Variants in CDH13 observed in about 807,000 individuals in gnomAD.
CDH13 encodes cadherin-13.
CDH13 carries 24 observed loss-of-function variants against 63.8 expected under a neutral mutation model. The observed-to-expected ratio is 0.38, with a 90% CI of 0.27 to 0.53. The LOEUF (loss-of-function observed/expected upper bound fraction) is 0.53, where lower values mean the gene tolerates loss of function less well. Ranked by LOEUF, CDH13 falls within the 20% of genes least tolerant of loss-of-function variation. CDH13 has a pLI of 0.85. For missense variants in CDH13, 1,049 were observed against 903.1 expected (o/e 1.16, Z -2.07); for synonymous variants, 503 against 355.3 (o/e 1.42, Z -4.67).
rs544668375 is a variant in CDH13 at position 82,644,466 on chromosome 16, T to G, written c.45+17329T>G. On this transcript the variant is annotated intron_variant, in intron 1 of 13. Coordinates refer to ENST00000567109, the MANE Select transcript of CDH13 (RefSeq NM_001257.5). The surrounding 1 kb of genome is among the most constrained non-coding windows in gnomAD (Gnocchi z 5.7). ...TGATGATTTCTATCCTTTGTCATGTTGAAAATGCTGAGTGACAAAGCCATT... is the reference window on the plus strand; with the variant it reads ...TGATGATTTCTATCCTTTGTCATGTGGAAAATGCTGAGTGACAAAGCCATT... 4.6e-5 allele frequency among the ~76,000 whole-genome samples: 7 copies of G among 152,246 alleles called. No homozygotes were observed. The East Asian group carries it at 1.2e-3, about 25-fold the overall frequency.
intron 5 of CDH13, among the ~76,000 whole-genome samples, chr16:83,219,908 G>A (rs545633832): frequency 6.6e-6 from 1 of 152,162 alleles, no homozygotes; most frequent in African/African-American, 2.4e-5. Context: ...CCTCTCTTCT[G>A]TGTGTAGGTG....
intron 4 of CDH13, among the ~76,000 whole-genome samples, chr16:83,138,546 G>C (rs1168858916): frequency 1.3e-5 from 2 of 152,102 alleles, no homozygotes; most frequent in Non-Finnish European, 2.9e-5. Context: ...AGAGAGGTGA[G>C]AATAATTCAA....
chr16:82,827,934 G>T (rs939779402), intron 1 of CDH13, among the ~76,000 whole-genome samples: 1 of 152,140 alleles, frequency 6.6e-6, no homozygotes, highest in Non-Finnish European at 1.5e-5. Context: ...AGGCAGAGTA[G>T]GAGTAGAGTA....
chr16:82,783,558 C>G (rs1597567231), intron 1 of CDH13, among the ~76,000 whole-genome samples: 1 of 152,222 alleles, frequency 6.6e-6, no homozygotes, highest in South Asian at 2.1e-4. Flanking sequence ...AGAAAAACTT[C>G]TTACTCCTTT....
At chr16:83,724,246 G>A (rs1487492127) in intron 10 of CDH13, among the ~76,000 whole-genome samples, 2 of 122,942 alleles carry the variant, frequency 1.6e-5, no homozygotes, top group African/African-American at 5.4e-5. Flanking sequence ...TGGAATGCAT[G>A]GGTGGATGAT....
chr16:83,467,197 C>G (rs947591975), intron 6 of CDH13, among the ~76,000 whole-genome samples: 1 of 152,174 alleles, frequency 6.6e-6, no homozygotes, highest in African/African-American at 2.4e-5. Flanking sequence ...TCTGCTCAAA[C>G]GTTTTGTGGT....
intron 4 of CDH13, among the ~76,000 whole-genome samples, chr16:83,167,728 C>A (rs1046043517): frequency 5.9e-5 from 9 of 151,496 alleles, no homozygotes; most frequent in African/African-American, 2.2e-4. Flanking sequence ...AAATTATTCT[C>A]CCTCCTTCTG....
intron 2 of CDH13, among the ~76,000 whole-genome samples, chr16:82,894,997 G>A (rs913659061): frequency 5.9e-5 from 9 of 152,156 alleles, no homozygotes; most frequent in African/African-American, 1.4e-4. Context: ...TTTATGCCAC[G>A]GTAAGGAGGT....
chr16:82,721,193 T>A (rs1392363552), intron 1 of CDH13, among the ~76,000 whole-genome samples: 8 of 152,114 alleles, frequency 5.3e-5, no homozygotes, highest in Non-Finnish European at 7.4e-5. Context: ...TCAGTTTCTA[T>A]CAAAAAGCAT....
intron 1 of CDH13, among the ~76,000 whole-genome samples, chr16:82,706,423 C>T (rs11646554): frequency 0.056 from 8,453 of 152,128 alleles, 322 homozygotes; most frequent in South Asian, 0.18. Flanking sequence ...ACTCAGCAGC[C>T]GTTTCATGCC....
At chr16:83,685,316 G>A (rs1323451411) in intron 10 of CDH13, among the ~76,000 whole-genome samples, 1 of 152,142 alleles carries the variant, frequency 6.6e-6, no homozygotes, top group Non-Finnish European at 1.5e-5. Flanking sequence ...TTTCTGCCAT[G>A]AATGCCTTTT....
At chr16:83,349,207 TTA>T (rs1442537214) in intron 6 of CDH13, among the ~76,000 whole-genome samples, 3 of 152,200 alleles carry the variant, frequency 2.0e-5, no homozygotes, top group Non-Finnish European at 4.4e-5. Flanking sequence ...AGACATTGAT[TTA>T]TGAGGCCCAA....
intron 5 of CDH13, among the ~76,000 whole-genome samples, chr16:83,252,169 C>A (rs1318803048): frequency 7.0e-6 from 1 of 142,218 alleles, no homozygotes; most frequent in Non-Finnish European, 1.5e-5. Context: ...AGTTACTGTG[C>A]TAGGCATGCC....
In CDH13 at chr16:83,289,358, G is replaced by A. The variant is rs540567365; in HGVS notation, c.637-55504G>A. On this transcript the variant is annotated intron_variant, in intron 5 of 13. Coordinates refer to ENST00000567109, the MANE Select transcript of CDH13 (RefSeq NM_001257.5). ...TTTCTGAAAGGCTTCTGTTTAGGGCGGTGTGTGGTAACTGTGGGTGTACAT... is the reference window on the plus strand; with the variant it reads ...TTTCTGAAAGGCTTCTGTTTAGGGCAGTGTGTGGTAACTGTGGGTGTACAT... Among the ~76,000 whole-genome samples, 5 of 152,212 alleles carry A rather than the reference G, an allele frequency of 3.3e-5. No individual in the cohort carries two copies. The South Asian group carries it at 6.2e-4, about 19-fold the overall frequency.
In CDH13 at chr16:83,671,095, A is replaced by G. The variant is rs1471280344; in HGVS notation, c.1284+123A>G. On this transcript the variant is annotated intron_variant, in intron 9 of 13. Coordinates refer to ENST00000567109, the MANE Select transcript of CDH13 (RefSeq NM_001257.5). ...ATTCCCCCAGTCTCCTCCTTCTGGGAATTAACAAAGGAAAAGGCTCATGGC... is the reference window on the plus strand; with the variant it reads ...ATTCCCCCAGTCTCCTCCTTCTGGGGATTAACAAAGGAAAAGGCTCATGGC... The G allele has an allele frequency of 4.8e-6, 4 of 841,860 alleles. No homozygotes were observed. In the East Asian group the frequency reaches 9.9e-5, roughly 21 times the overall value. 52.1% of individuals were successfully genotyped at this position (841,860 alleles called of 1,614,324 possible).
chr16:83,516,594 T>C (rs1183064609), intron 7 of CDH13, among the ~76,000 whole-genome samples: 1 of 152,156 alleles, frequency 6.6e-6, no homozygotes, highest in East Asian at 1.9e-4. Context: ...ATGTGAGAGC[T>C]CCCTTATCAT....
chr16:82,989,962 C>G (rs188744643), intron 2 of CDH13, among the ~76,000 whole-genome samples: 34 of 152,202 alleles, frequency 2.2e-4, no homozygotes, highest in Admixed American at 2.0e-3. Flanking sequence ...TTTACCAGCT[C>G]CCCTCAATAG....
chr16:82,967,261 C>A (rs1907983961), intron 2 of CDH13, among the ~76,000 whole-genome samples: 2 of 152,174 alleles, frequency 1.3e-5, no homozygotes, highest in African/African-American at 4.8e-5. Context: ...TCCCCTCTAC[C>A]TCCACATTTT....
At chr16:82,655,875 C>G (rs141289767) in intron 1 of CDH13, among the ~76,000 whole-genome samples, 212 of 152,258 alleles carry the variant, frequency 1.4e-3, no homozygotes, top group African/African-American at 4.8e-3. Flanking sequence ...TCATGGCTCA[C>G]TACTCAAGTG....
Sources: allele counts gnomAD v4.1 joint callset (sites outside exome capture counted in the v4.1 genomes callset), GRCh38; gene constraint gnomAD v4.1.1; non-coding constraint Gnocchi (gnomAD v3.1); transcripts MANE v1.5; gene names NCBI Gene and HGNC (gene_info 2026-07-23, HGNC 2026-07-21).